Variants in COG7 observed in about 807,000 individuals in gnomAD.
COG7 encodes the protein component of oligomeric golgi complex 7, also known as conserved oligomeric Golgi complex subunit 7.
COG7 carries 49 observed loss-of-function variants against 91.5 expected under a neutral mutation model. The observed-to-expected ratio is 0.54, with a 90% CI of 0.43 to 0.68. The LOEUF (loss-of-function observed/expected upper bound fraction) is 0.68. Ranked by LOEUF, COG7 falls within the 30% of genes least tolerant of loss-of-function variation. COG7 has a pLI of 0.00. For synonymous variants in COG7, 365 were observed against 388.7 expected (o/e 0.94, Z 0.72); for missense variants, 895 against 961.3 (o/e 0.93, Z 0.91).
intron 14 of COG7, among the ~76,000 whole-genome samples, chr16:23,396,849 G>A (rs1221646123): frequency 6.6e-6 from 1 of 152,160 alleles, no homozygotes; most frequent in East Asian, 1.9e-4. Context: ...CAGAGAGCCA[G>A]CCACCTCACT....
intron 1 of COG7, 164 bp downstream of exon 1, chr16:23,452,662 G>A: frequency 7.0e-7 from 1 of 1,426,948 alleles, no homozygotes; most frequent in Non-Finnish European, 9.2e-7. Flanking sequence ...GCACCCAGCT[G>A]AGACTCCCGC....
At chr16:23,433,712 A>C (rs760798711) in intron 5 of COG7, 45 bp from the exon 6 acceptor site, 1 of 1,610,648 alleles carries the variant, frequency 6.2e-7, no homozygotes, top group South Asian at 1.1e-5. Context: ...ACGTCAACAT[A>C]GGTTGCCTGT....
chr16:23,439,287 G>C (rs1964061693), intron 4 of COG7, among the ~76,000 whole-genome samples: 1 of 104,412 alleles, frequency 9.6e-6, no homozygotes, highest in Non-Finnish European at 1.7e-5. Flanking sequence ...CTGGGCAACA[G>C]AGTTAAACTG....
intron 4 of COG7, among the ~76,000 whole-genome samples, chr16:23,438,083 C>CAAAA: frequency 1.1e-5 from 1 of 88,854 alleles, no homozygotes; most frequent in South Asian, 3.4e-4. Context: ...GACTCCATCT[C>CAAAA]AAAAAAAAAA....
intron 7 of COG7, among the ~76,000 whole-genome samples, chr16:23,420,185 G>A (rs970102765): frequency 1.6e-4 from 24 of 152,220 alleles, no homozygotes; most frequent in African/African-American, 5.8e-4. Context: ...AAATTCCTAC[G>A]TTCAACCACA....
chr16:23,398,555 G>A (rs1265666672), intron 13 of COG7, among the ~76,000 whole-genome samples: 1 of 152,174 alleles, frequency 6.6e-6, no homozygotes, highest in Non-Finnish European at 1.5e-5. Flanking sequence ...ACCCTAAGGA[G>A]AACAGGGCAC....
At chr16:23,441,379 A>G (rs1430930204) in intron 4 of COG7, among the ~76,000 whole-genome samples, 1 of 152,182 alleles carries the variant, frequency 6.6e-6, no homozygotes, top group Non-Finnish European at 1.5e-5. Flanking sequence ...GTTCAAGACC[A>G]GCCTGGACGA....
intron 6 of COG7, among the ~76,000 whole-genome samples, chr16:23,433,333 C>T (rs534671578): frequency 3.9e-5 from 6 of 152,104 alleles, no homozygotes; most frequent in Non-Finnish European, 8.8e-5. Flanking sequence ...TCAAACGATC[C>T]GCCCACTTCG....
intron 14 of COG7, among the ~76,000 whole-genome samples, chr16:23,397,401 C>T (rs779086839): frequency 2.0e-5 from 3 of 152,132 alleles, no homozygotes; most frequent in South Asian, 2.1e-4. Context: ...TGCGCACTGA[C>T]ATTTAAGAGC....
At chr16:23,450,459 C>A (rs1283853592) in intron 1 of COG7, among the ~76,000 whole-genome samples, 1 of 152,142 alleles carries the variant, frequency 6.6e-6, no homozygotes, top group Non-Finnish European at 1.5e-5. Flanking sequence ...GCAAGATAAA[C>A]TTTTCCTCCC....
chr16:23,411,701 C>G (rs987646497), intron 10 of COG7, among the ~76,000 whole-genome samples: 1 of 152,150 alleles, frequency 6.6e-6, no homozygotes, highest in African/African-American at 2.4e-5. Flanking sequence ...ATCTACCCAA[C>G]GGCCTTGGGT....
intron 2 of COG7, 32 bp downstream of exon 2, chr16:23,445,781 T>C (rs764176329): frequency 1.2e-6 from 2 of 1,612,088 alleles, no homozygotes; most frequent in East Asian, 4.5e-5. Context: ...AGAATCACCA[T>C]TTACAACAGG....
Position 23,403,769 on chromosome 16 carries a change from C to T in COG7, c.1728G>A (p.Gln576=). 1 of 1,614,228 alleles carries T rather than the reference C, an allele frequency of 6.2e-7. No homozygotes were observed. Among genetic ancestry groups the T allele is most frequent in the South Asian group, 1.1e-5 (1 of 91,084 alleles). The change falls in exon 13 of 17, where the codon CAG becomes CAA. Residue 576 remains glutamine (Q), a synonymous_variant. Transcript: ENST00000307149. Reference sequence around the variant, plus strand: ...AATCGAAAGCCAGCTGGTGGGCCTGCTGGTTAAGCCGAGTCAGCGCTGCTC... The same window carrying T: ...AATCGAAAGCCAGCTGGTGGGCCTGTTGGTTAAGCCGAGTCAGCGCTGCTC... ...APRAALTRLN[Q]QAHQLAFDSV...
intron 11 of COG7, among the ~76,000 whole-genome samples, chr16:23,408,057 G>A (rs976708921): frequency 2.2e-5 from 3 of 136,802 alleles, no homozygotes; most frequent in African/African-American, 8.5e-5. Context: ...GGAAAGCTGT[G>A]GCACAGTGGG....
At chr16:23,420,794 G>C (rs1963742525) in intron 7 of COG7, among the ~76,000 whole-genome samples, 1 of 151,854 alleles carries the variant, frequency 6.6e-6, no homozygotes, top group South Asian at 2.1e-4. Flanking sequence ...CCCAGACTAA[G>C]GTGCAGTGGT....
intron 3 of COG7, among the ~76,000 whole-genome samples, chr16:23,443,654 T>C (rs571094267): frequency 1.3e-5 from 2 of 152,032 alleles, no homozygotes; most frequent in Non-Finnish European, 2.9e-5. Flanking sequence ...ATCATGCCAC[T>C]GGACTCCGGC....
chr16:23,417,587 C>T (rs940552459), intron 8 of COG7, among the ~76,000 whole-genome samples: 1 of 151,954 alleles, frequency 6.6e-6, no homozygotes, highest in Non-Finnish European at 1.5e-5. Flanking sequence ...GTCAACATGG[C>T]GAAACCCCAT....
chr16:23,414,774 C>T (rs368043962), intron 9 of COG7: 4 of 152,224 alleles, frequency 2.6e-5, no homozygotes, highest in East Asian at 1.9e-4. Context: ...CTGAAAGCTA[C>T]GAAACCTGTG....
At chr16:23,427,116 T>G (rs1225002501) in intron 6 of COG7, among the ~76,000 whole-genome samples, 1 of 152,020 alleles carries the variant, frequency 6.6e-6, no homozygotes, top group Non-Finnish European at 1.5e-5. Flanking sequence ...CCAGGTGTGG[T>G]GGTGTGCACC....
Sources: gnomAD v4.1 joint callset for allele counts (sites outside exome capture counted in the v4.1 genomes callset) on GRCh38, gnomAD v4.1.1 for gene constraint, MANE v1.5 for transcripts, NCBI Gene and HGNC (gene_info 2026-07-23, HGNC 2026-07-21) for gene names.